Variants in FAM13A observed in about 807,000 individuals in gnomAD.
FAM13A encodes the protein protein FAM13A.
Under a neutral mutation model 129.6 loss-of-function variants are expected in FAM13A, and 76 were observed. That is an observed-to-expected ratio of 0.59 (90% confidence interval 0.49 to 0.71). The LOEUF is 0.71. Among genes scored for constraint, FAM13A ranks in the 30% least tolerant of loss-of-function variants. The pLI is 0.00. For missense variants in FAM13A, 1,108 were observed against 1,249.3 expected (o/e 0.89, Z 1.70); for synonymous variants, 443 against 449.9 (o/e 0.98, Z 0.20).
intron 4 of FAM13A, among the ~76,000 whole-genome samples, chr4:88,963,432 G>C (rs1396494266): frequency 6.6e-6 from 1 of 151,690 alleles, no homozygotes; most frequent in Non-Finnish European, 1.5e-5. Context: ...CTGGTAGCTA[G>C]GATTATAGGC....
At chr4:88,878,151 G>A (rs1238708267) in intron 6 of FAM13A, among the ~76,000 whole-genome samples, 3 of 151,894 alleles carry the variant, frequency 2.0e-5, no homozygotes, top group African/African-American at 4.8e-5. Context: ...TTAGCCAGGC[G>A]TGGTGGCGGG....
rs953455107 is a variant in FAM13A, at chr4:88,726,381, G to C, written c.*2152C>G. 6.7e-6 allele frequency: 1 copy of C among 148,600 alleles called. No individual in the cohort carries two copies. Among genetic ancestry groups the C allele is most frequent in the African/African-American group, 2.6e-5 (1 of 39,058 alleles). The allele number at this position is 148,600 out of a possible 1,614,324, so 9.2% of individuals were successfully genotyped here. A position where few individuals can be genotyped will look rare whatever the true frequency, so the allele number is the denominator to read the frequency against. On this transcript the variant is annotated 3_prime_UTR_variant, in exon 24 of 24. Coordinates refer to ENST00000264344, the MANE Select transcript of FAM13A (RefSeq NM_014883.4). ...ATTTATTTTATATAACTTACTTGGT[G>C]TTTTCTTTTATTGAATCATACAAAT...
intron 4 of FAM13A, among the ~76,000 whole-genome samples, chr4:88,987,472 A>G (rs994108137): frequency 1.3e-5 from 2 of 152,214 alleles, no homozygotes; most frequent in African/African-American, 2.4e-5. Flanking sequence ...CTAAGCATCA[A>G]CAAGTGTGAG....
At chr4:88,959,437 G>A (rs1344345824) in intron 4 of FAM13A, among the ~76,000 whole-genome samples, 1 of 152,192 alleles carries the variant, frequency 6.6e-6, no homozygotes, top group Admixed American at 6.5e-5. Context: ...GAGTTCACAT[G>A]AGATCTGGTC....
intron 1 of FAM13A, among the ~76,000 whole-genome samples, chr4:89,055,269 T>C (rs973788916): frequency 1.3e-5 from 2 of 152,186 alleles, no homozygotes; most frequent in Non-Finnish European, 2.9e-5. Context: ...TTTCCAGATA[T>C]GCTATGGTAC....
Position 88,758,918 on chromosome 4 carries a change from A to G in FAM13A, c.1579-17T>C, listed in dbSNP as rs778444161. ...TGTGGGGCTCTGCAATAACAGCACA[A>G]TGTCCCCAAATATCTACTGCTCACC... On this transcript the variant is annotated splice_polypyrimidine_tract_variant and intron_variant, in intron 13 of 23. Coordinates refer to ENST00000264344, the MANE Select transcript of FAM13A (RefSeq NM_014883.4). The G allele has an allele frequency of 5.6e-6, 9 of 1,610,912 alleles. No individual in the cohort carries two copies. In the Admixed American group the frequency reaches 1.5e-4, roughly 27 times the overall value.
chr4:88,864,735 T>A (rs1740091598), intron 6 of FAM13A, among the ~76,000 whole-genome samples: 1 of 152,236 alleles, frequency 6.6e-6, no homozygotes, highest in Admixed American at 6.5e-5. Flanking sequence ...AGGAGTTACC[T>A]ATGTTTTTGT....
intron 11 of FAM13A, among the ~76,000 whole-genome samples, chr4:88,776,954 TAA>T (rs1320136724): frequency 1.3e-5 from 2 of 151,890 alleles, no homozygotes; most frequent in East Asian, 3.9e-4. Context: ...AGCTGGGCAA[TAA>T]GAGTGAAACT....
intron 7 of FAM13A, among the ~76,000 whole-genome samples, chr4:88,848,803 T>C (rs1737095931): frequency 6.6e-6 from 1 of 152,200 alleles, no homozygotes; most frequent in Non-Finnish European, 1.5e-5. Flanking sequence ...TGGGATATAG[T>C]TTTTCATGAT....
intron 3 of FAM13A, among the ~76,000 whole-genome samples, chr4:89,007,758 A>T (rs1214556723): frequency 6.6e-6 from 1 of 152,264 alleles, no homozygotes; most frequent in Non-Finnish European, 1.5e-5. Context: ...ATGGAGCCAA[A>T]GCCTATGCTC....
chr4:88,758,999 C>T, intron 13 of FAM13A, 98 bp from the exon 14 acceptor site: 2 of 1,293,876 alleles, frequency 1.5e-6, no homozygotes, highest in Non-Finnish European at 2.2e-6. Context: ...CCTTCCAAGT[C>T]ACAGCTGCTA....
chr4:88,839,378 A>G (rs1379277131), intron 7 of FAM13A, among the ~76,000 whole-genome samples: 1 of 152,252 alleles, frequency 6.6e-6, no homozygotes, highest in Non-Finnish European at 1.5e-5. Context: ...TCATTCAACA[A>G]GTACTCTTTA....
chr4:88,867,484 A>G (rs1194486082), intron 6 of FAM13A, among the ~76,000 whole-genome samples: 2 of 152,220 alleles, frequency 1.3e-5, no homozygotes, highest in Non-Finnish European at 2.9e-5. Context: ...ACCTTATTTG[A>G]CCTTGGCTGA....
Position 88,884,827 on chromosome 4 carries a change from A to G in FAM13A, c.843+21552T>C, listed in dbSNP as rs539214008. Among the ~76,000 whole-genome samples, 7 of 152,340 alleles carry G rather than the reference A, an allele frequency of 4.6e-5. No individual in the cohort carries two copies. In the South Asian group the frequency reaches 1.4e-3, roughly 32 times the overall value. ...CAGGAAACAAAATTAATGCACACAAATCAGTAGCTGTGCTATACACCAACA... is the reference window on the plus strand; with the variant it reads ...CAGGAAACAAAATTAATGCACACAAGTCAGTAGCTGTGCTATACACCAACA... On this transcript the variant is annotated intron_variant, in intron 6 of 23. Coordinates refer to ENST00000264344, the MANE Select transcript of FAM13A (RefSeq NM_014883.4).
chr4:88,880,795 G>C (rs935269077), intron 6 of FAM13A, among the ~76,000 whole-genome samples: 4 of 130,530 alleles, frequency 3.1e-5, no homozygotes, highest in African/African-American at 8.2e-5. Flanking sequence ...GGGGGGGGGG[G>C]GGCACAGTGG....
intron 6 of FAM13A, among the ~76,000 whole-genome samples, chr4:88,882,102 T>A (rs932135401): frequency 6.6e-6 from 1 of 152,158 alleles, no homozygotes; most frequent in Non-Finnish European, 1.5e-5. Flanking sequence ...GCTAGAGATC[T>A]AGATATCCAA....
At chr4:88,851,251 A>G (rs1737526041) in intron 6 of FAM13A, 68 bp from the exon 7 acceptor site, 3 of 1,365,604 alleles carry the variant, frequency 2.2e-6, no homozygotes, top group Admixed American at 2.3e-5. Flanking sequence ...AATTAAGTTT[A>G]TGATAAAAGA....
intron 1 of FAM13A, among the ~76,000 whole-genome samples, chr4:89,040,421 C>T (rs957209137): frequency 1.3e-4 from 20 of 152,054 alleles, no homozygotes; most frequent in African/African-American, 4.8e-4. Flanking sequence ...AAGAGTTATA[C>T]CTCATACCAA....
chr4:89,000,580 T>C (rs1764127173), intron 3 of FAM13A, among the ~76,000 whole-genome samples: 1 of 152,154 alleles, frequency 6.6e-6, no homozygotes, highest in Admixed American at 6.6e-5. Context: ...TCTGGGGTCA[T>C]AAAAATGTTT....
Sources: allele counts gnomAD v4.1 joint callset (sites outside exome capture counted in the v4.1 genomes callset), GRCh38; gene constraint gnomAD v4.1.1; transcripts MANE v1.5; gene names NCBI Gene and HGNC (gene_info 2026-07-23, HGNC 2026-07-21).